Variants in NAA11 observed in about 807,000 individuals in gnomAD.
NAA11 encodes N-alpha-acetyltransferase 11.
A neutral mutation model predicts 16.1 loss-of-function variants in NAA11; 15 were observed. The observed-to-expected ratio is 0.93, with a 90% CI of 0.62 to 1.44. The LOEUF is 1.44. NAA11 is among the 40% of genes most tolerant of loss of function. NAA11 has a pLI of 0.00. For synonymous variants in NAA11, 122 were observed against 112.4 expected (o/e 1.09, Z -0.54); for missense variants, 298 against 291.3 (o/e 1.02, Z -0.17).
intron 2 of NAA11, among the ~76,000 whole-genome samples, chr4:79,239,453 C>T (rs545171760): frequency 1.1e-4 from 17 of 152,224 alleles, no homozygotes; most frequent in African/African-American, 4.1e-4. Context: ...GTAATCCTAG[C>T]ACTTTGGGAG....
intron 1 of NAA11, among the ~76,000 whole-genome samples, chr4:79,318,025 T>G (rs1180606463): frequency 1.3e-5 from 2 of 152,168 alleles, no homozygotes; most frequent in African/African-American, 4.8e-5. Context: ...ACATGAACCT[T>G]TCCTGACATC....
intron 2 of NAA11, among the ~76,000 whole-genome samples, chr4:79,253,285 C>G (rs1321326970): frequency 1.3e-5 from 2 of 152,132 alleles, no homozygotes; most frequent in Non-Finnish European, 2.9e-5. Context: ...CAAATAGAGT[C>G]ATCAAATAGG....
chr4:79,254,494 T>C (rs1316572167), intron 2 of NAA11, among the ~76,000 whole-genome samples: 20 of 152,186 alleles, frequency 1.3e-4, no homozygotes, highest in Non-Finnish European at 1.0e-4. Flanking sequence ...TGTAAATACT[T>C]GTCCACATGG....
chr4:79,230,424 TAATAAATA>T (rs201839991), intron 2 of NAA11, among the ~76,000 whole-genome samples: 1 of 151,892 alleles, frequency 6.6e-6, no homozygotes, highest in Non-Finnish European at 1.5e-5. Context: ...TAAAGTATAA[TAATAAATA>T]AATAAATAAA....
At chr4:79,232,505 T>C (rs918471754) in intron 2 of NAA11, among the ~76,000 whole-genome samples, 2 of 151,950 alleles carry the variant, frequency 1.3e-5, no homozygotes, top group African/African-American at 4.8e-5. Context: ...AACAATAGTT[T>C]GTTGGCTTTC....
chr4:79,179,750 A>G, the NAA11 span, among the ~76,000 whole-genome samples: 1 of 152,220 alleles, frequency 6.6e-6, no homozygotes, highest in Non-Finnish European at 1.5e-5. Context: ...CCCAAGAAAG[A>G]TCATGAGTGT....
the NAA11 span, among the ~76,000 whole-genome samples, chr4:79,185,395 T>C: frequency 9.8e-5 from 15 of 152,298 alleles, no homozygotes; most frequent in Admixed American, 3.9e-4. Flanking sequence ...CAAGATGTAA[T>C]GGCTAGTGAA....
chr4:79,262,515 G>T (rs1338683877), intron 2 of NAA11, among the ~76,000 whole-genome samples: 52 of 151,986 alleles, frequency 3.4e-4, no homozygotes, highest in Admixed American at 3.4e-3. Flanking sequence ...ATATAGGGGG[G>T]AATAGGGAAA....
At chr4:79,306,670 CT>C (rs1206385318) in intron 1 of NAA11, 12 of 152,152 alleles carry the variant, frequency 7.9e-5, no homozygotes, top group African/African-American at 2.9e-4. Flanking sequence ...GACATTGTGT[CT>C]GTTTCTTCCA....
the NAA11 span, among the ~76,000 whole-genome samples, chr4:79,191,446 T>C: frequency 1.3e-5 from 2 of 152,200 alleles, no homozygotes; most frequent in Non-Finnish European, 2.9e-5. Flanking sequence ...TTGAGCTTTT[T>C]ATTGCATAGG....
the NAA11 span, among the ~76,000 whole-genome samples, chr4:79,175,802 T>TTTGTTTTGC: frequency 6.6e-6 from 1 of 151,928 alleles, no homozygotes; most frequent in African/African-American, 2.4e-5. Flanking sequence ...TCTTATAAGT[T>TTTGTTTTGC]TTGTTTTGCT....
rs1299887758 is a variant in NAA11 at position 79,256,654 on chromosome 4, A to ATATATATATATATATATTTT, written c.*123-30385_*123-30384insAAAATATATATATATATATA. On this transcript the variant is annotated intron_variant and NMD_transcript_variant, in intron 2 of 2. Coordinates refer to the NAA11 transcript ENST00000511542. ...GAACCATATATATATAAATATAAAT[A>ATATATATATATATATATTTT]TATATATATATATATTGACACGAGG... 3.5e-5 allele frequency among the ~76,000 whole-genome samples: 5 copies of ATATATATATATATATATTTT among 144,130 alleles called. 1 individual carries two copies. The highest frequency in any genetic ancestry group is 7.8e-5 in the African/African-American group (3 of 38,542). The allele number at this position is 144,130 out of a possible 152,430, so 94.6% of individuals were successfully genotyped here.
the NAA11 span, among the ~76,000 whole-genome samples, chr4:79,199,831 T>A: frequency 6.6e-6 from 1 of 151,898 alleles, no homozygotes; most frequent in Non-Finnish European, 1.5e-5. Flanking sequence ...AAATAGTCTT[T>A]TATTCTAAAG....
chr4:79,223,501 G>C (rs375008165), downstream of NAA11, among the ~76,000 whole-genome samples: 9 of 116,140 alleles, frequency 7.7e-5, no homozygotes, highest in Admixed American at 6.2e-4. Flanking sequence ...GTTGTGGGGT[G>C]GGGGGAGGGG....
the NAA11 span, among the ~76,000 whole-genome samples, chr4:79,183,162 T>G: frequency 2.6e-5 from 4 of 152,128 alleles, no homozygotes; most frequent in African/African-American, 9.6e-5. Flanking sequence ...GTGAAGAAAA[T>G]TAACAGCTGT....
the NAA11 span, among the ~76,000 whole-genome samples, chr4:79,204,535 TTCCCTTCCTCCCTCCG>T: frequency 7.4e-6 from 1 of 135,442 alleles, no homozygotes; most frequent in Non-Finnish European, 1.6e-5. Context: ...TCCTCCCTCC[TTCCCTTCCTCCCTCCG>T]TCCCTTCCTT....
chr4:79,306,228 T>C (rs1337306826), intron 1 of NAA11, among the ~76,000 whole-genome samples: 1 of 152,200 alleles, frequency 6.6e-6, no homozygotes, highest in Non-Finnish European at 1.5e-5. Flanking sequence ...TGTATTGCAT[T>C]AGCTTGTAAG....
At chr4:79,305,417 G>A (rs1475569961) in intron 1 of NAA11, among the ~76,000 whole-genome samples, 2 of 152,110 alleles carry the variant, frequency 1.3e-5, no homozygotes, top group Non-Finnish European at 2.9e-5. Context: ...GTTCATTTCT[G>A]AGATCTAGAA....
At chr4:79,172,544 C>T in the NAA11 span, among the ~76,000 whole-genome samples, 1 of 152,060 alleles carries the variant, frequency 6.6e-6, no homozygotes, top group Admixed American at 6.6e-5. Flanking sequence ...TTTATTTAAA[C>T]ATATGATGAA....
Sources: gnomAD v4.1 joint callset for allele counts (sites outside exome capture counted in the v4.1 genomes callset) on GRCh38, gnomAD v4.1.1 for gene constraint, MANE v1.5 for transcripts, NCBI Gene and HGNC (gene_info 2026-07-23, HGNC 2026-07-21) for gene names.